CHRM3: variants seen among roughly 807,000 people sequenced by gnomAD.
The protein encoded by CHRM3 is muscarinic acetylcholine receptor M3.
A neutral mutation model predicts 41.8 loss-of-function variants in CHRM3; 11 were observed. The ratio of observed to expected loss-of-function variants is 0.26; its 90% CI spans 0.17 to 0.44. The LOEUF (loss-of-function observed/expected upper bound fraction) is 0.44. Among genes scored for constraint, CHRM3 ranks in the 20% least tolerant of loss-of-function variants. The probability of loss-of-function intolerance (pLI) is 1.00; values close to 1 mark genes in which losing one functional copy is unlikely to be tolerated. For missense variants in CHRM3, 571 were observed against 745.4 expected (o/e 0.77, Z 2.72); for synonymous variants, 297 against 301.4 (o/e 0.99, Z 0.15).
chr1:239,837,014 A>G (rs1673380486), intron 6 of CHRM3, among the ~76,000 whole-genome samples: 1 of 151,848 alleles, frequency 6.6e-6, no homozygotes, highest in Non-Finnish European at 1.5e-5. Flanking sequence ...AGAGGCAAGT[A>G]TGAGGACTCT....
At chr1:239,613,403 A>C (rs1283670530) in intron 3 of CHRM3, among the ~76,000 whole-genome samples, 1 of 152,248 alleles carries the variant, frequency 6.6e-6, no homozygotes, top group Non-Finnish European at 1.5e-5. Flanking sequence ...AAACAATGTT[A>C]CATCTATATG....
chr1:239,763,429 C>G (rs1666958594), intron 5 of CHRM3, among the ~76,000 whole-genome samples: 1 of 152,148 alleles, frequency 6.6e-6, no homozygotes, highest in Admixed American at 6.5e-5. Context: ...ATTTCCATTG[C>G]ACAGATGATA....
At chr1:239,654,008 C>A (rs572120758) in intron 4 of CHRM3, among the ~76,000 whole-genome samples, 1 of 152,292 alleles carries the variant, frequency 6.6e-6, no homozygotes, top group Admixed American at 6.5e-5. Context: ...GTTGCCTAGG[C>A]TGGAGTGCAG....
rs73109199 is a variant in CHRM3, at chr1:239,694,904, C to T, written c.-147+16616C>T. On this transcript the variant is annotated intron_variant, in intron 5 of 6. Coordinates refer to ENST00000676153, the MANE Select transcript of CHRM3 (RefSeq NM_001375978.1). ...AGTCTTTTTTTTAACCTTGTAGAGTCGTGTATTTATTTTTCATTGGTGTCT... is the reference window on the plus strand; with the variant it reads ...AGTCTTTTTTTTAACCTTGTAGAGTTGTGTATTTATTTTTCATTGGTGTCT... 5.0e-3 allele frequency among the ~76,000 whole-genome samples: 764 copies of T among 151,974 alleles called. 5 individuals carry two copies. The highest frequency in any genetic ancestry group is 0.017 in the African/African-American group (718 of 41,454).
At chr1:239,574,129 A>G (rs994819031) in intron 3 of CHRM3, among the ~76,000 whole-genome samples, 4 of 152,026 alleles carry the variant, frequency 2.6e-5, no homozygotes, top group Non-Finnish European at 5.9e-5. Flanking sequence ...GGGAAGAGAT[A>G]TTTGTCTGTG....
At chr1:239,876,798 A>G (rs6682181) in intron 6 of CHRM3, among the ~76,000 whole-genome samples, 13,598 of 152,176 alleles carry the variant, frequency 0.089, 1,955 homozygotes, top group African/African-American at 0.3. Context: ...TCTTTGGGTT[A>G]GGCTGACAAT....
intron 3 of CHRM3, among the ~76,000 whole-genome samples, chr1:239,565,380 C>T (rs1661255028): frequency 6.6e-6 from 1 of 152,064 alleles, no homozygotes; most frequent in East Asian, 1.9e-4. Flanking sequence ...TAGGTGCTAA[C>T]TAGAGTTAAA....
At chr1:239,821,565 G>A (rs1672051654) in intron 5 of CHRM3, among the ~76,000 whole-genome samples, 1 of 152,144 alleles carries the variant, frequency 6.6e-6, no homozygotes, top group Non-Finnish European at 1.5e-5. Context: ...GGCCCCAGGG[G>A]CACCAGTCTC....
intron 5 of CHRM3, among the ~76,000 whole-genome samples, chr1:239,712,191 T>G (rs1006129089): frequency 1.3e-5 from 2 of 152,228 alleles, no homozygotes; most frequent in Admixed American, 6.5e-5. Flanking sequence ...AAAAATAATT[T>G]TATTCACTAT....
rs955749280 is a variant in CHRM3, at chr1:239,913,132, A to G, written c.*3908A>G. 6.0e-6 allele frequency: 1 copy of G among 167,094 alleles called. No homozygotes were observed. The highest frequency in any genetic ancestry group is 2.4e-5 in the African/African-American group (1 of 41,458). 10.4% of individuals were successfully genotyped at this position (167,094 alleles called of 1,614,324 possible). On this transcript the variant is annotated 3_prime_UTR_variant, in exon 7 of 7. Transcript: ENST00000676153. ...AAAGTTATTTACTTACTCTATTTCA[A>G]CACCACAAAATCTTGAAATTTGGAA...
intron 6 of CHRM3, among the ~76,000 whole-genome samples, chr1:239,884,218 C>G (rs781018417): frequency 3.3e-5 from 5 of 152,168 alleles, no homozygotes; most frequent in Non-Finnish European, 5.9e-5. Context: ...AGGAAGAGAT[C>G]ATCCTGGATT....
intron 5 of CHRM3, among the ~76,000 whole-genome samples, chr1:239,821,602 C>T (rs1198112408): frequency 6.6e-6 from 1 of 152,142 alleles, no homozygotes; most frequent in Non-Finnish European, 1.5e-5. Context: ...GAAATGAACC[C>T]TCACCATGCA....
intron 2 of CHRM3, among the ~76,000 whole-genome samples, chr1:239,534,107 C>T (rs897808300): frequency 9.9e-5 from 15 of 152,154 alleles, no homozygotes; most frequent in South Asian, 4.1e-4. Flanking sequence ...GCAGGCAGAT[C>T]GCTTGAGGTC....
chr1:239,402,576 G>C (rs1660072248), intron 1 of CHRM3, among the ~76,000 whole-genome samples: 1 of 152,112 alleles, frequency 6.6e-6, no homozygotes, highest in Admixed American at 6.5e-5. Flanking sequence ...TGGTTCTTTG[G>C]ATGTGACTCC....
At chr1:239,686,335 G>A (rs1261242803) in intron 5 of CHRM3, among the ~76,000 whole-genome samples, 1 of 152,128 alleles carries the variant, frequency 6.6e-6, no homozygotes, top group Non-Finnish European at 1.5e-5. Context: ...CACTGCTCCA[G>A]TATTTTATGA....
In CHRM3 at chr1:239,582,017, T is replaced by C. The variant is rs1362097451; in HGVS notation, c.-313+36268T>C. On this transcript the variant is annotated intron_variant, in intron 3 of 6. Coordinates refer to ENST00000676153, the MANE Select transcript of CHRM3 (RefSeq NM_001375978.1). ...ATGTAAATATCCAACATTTGCAGGATTTTTTAACCTAAGTACTCTGCAAAT... is the reference window on the plus strand; with the variant it reads ...ATGTAAATATCCAACATTTGCAGGACTTTTTAACCTAAGTACTCTGCAAAT... 2.0e-5 allele frequency among the ~76,000 whole-genome samples: 3 copies of C among 152,202 alleles called. No individual in the cohort carries two copies. The East Asian group carries it at 5.8e-4, about 29-fold the overall frequency.
At chr1:239,524,195 T>C (rs77887251) in intron 2 of CHRM3, among the ~76,000 whole-genome samples, 1 of 152,210 alleles carries the variant, frequency 6.6e-6, no homozygotes, top group Non-Finnish European at 1.5e-5. Flanking sequence ...TGCACACATA[T>C]GAGTTTCTCA....
At chr1:239,838,613 C>A (rs1673526745) in intron 6 of CHRM3, among the ~76,000 whole-genome samples, 1 of 152,154 alleles carries the variant, frequency 6.6e-6, no homozygotes, top group Non-Finnish European at 1.5e-5. Context: ...GAGACCCATG[C>A]TCAAGAAGGT....
intron 2 of CHRM3, among the ~76,000 whole-genome samples, chr1:239,539,134 G>A (rs1259844632): frequency 6.6e-6 from 1 of 152,142 alleles, no homozygotes; most frequent in African/African-American, 2.4e-5. Context: ...GGGAAGAAAA[G>A]CCACCCACTC....
Sources: allele counts gnomAD v4.1 joint callset (sites outside exome capture counted in the v4.1 genomes callset), GRCh38; gene constraint gnomAD v4.1.1; transcripts MANE v1.5; gene names NCBI Gene and HGNC (gene_info 2026-07-23, HGNC 2026-07-21).